HIVEP3: variants seen among roughly 807,000 people sequenced by gnomAD.
The protein encoded by HIVEP3 is HIVEP zinc finger 3.
In HIVEP3, 49 loss-of-function variants were observed where a neutral mutation model predicts 152.8. That is an observed-to-expected ratio of 0.32 (90% CI 0.26 to 0.41). HIVEP3 has a LOEUF of 0.41. Among genes scored for constraint, HIVEP3 ranks in the 10% least tolerant of loss-of-function variants. The pLI, the probability that HIVEP3 is intolerant of heterozygous loss-of-function variation, is 1.00. For missense variants in HIVEP3, 2,790 were observed against 3,103.3 expected (o/e 0.90, Z 2.40); for synonymous variants, 1,269 against 1,289.0 (o/e 0.98, Z 0.33).
chr1:41,768,737 T>G (rs1648165642), intron 1 of HIVEP3, among the ~76,000 whole-genome samples: 1 of 152,234 alleles, frequency 6.6e-6, no homozygotes, highest in African/African-American at 2.4e-5. Flanking sequence ...GAGGAGTTGC[T>G]GCTTCTGGTC....
chr1:41,977,456 A>C (rs949578374), intron 1 of HIVEP3, among the ~76,000 whole-genome samples: 1 of 152,060 alleles, frequency 6.6e-6, no homozygotes, highest in African/African-American at 2.4e-5. Flanking sequence ...CAGCCTCAGG[A>C]GGTCCCACCT....
intron 5 of HIVEP3, among the ~76,000 whole-genome samples, chr1:41,531,752 G>A (rs1396863622): frequency 1.7e-5 from 1 of 59,198 alleles, no homozygotes; most frequent in Non-Finnish European, 3.6e-5. Flanking sequence ...CAGGAGAGAT[G>A]GAGGACAGGG....
At chr1:41,901,038 G>A (rs1193110606) in intron 1 of HIVEP3, among the ~76,000 whole-genome samples, 2 of 152,078 alleles carry the variant, frequency 1.3e-5, no homozygotes, top group African/African-American at 2.4e-5. Flanking sequence ...AGAGGGAGTG[G>A]ACGTCAGGAT....
At chr1:41,561,349 T>C (rs1644059076) in intron 5 of HIVEP3, among the ~76,000 whole-genome samples, 1 of 152,106 alleles carries the variant, frequency 6.6e-6, no homozygotes, top group Admixed American at 6.5e-5. Context: ...AGTCTCCAGC[T>C]CCACGGCTCA....
At chr1:41,806,418 T>C (rs896067091) in intron 1 of HIVEP3, among the ~76,000 whole-genome samples, 1 of 152,212 alleles carries the variant, frequency 6.6e-6, no homozygotes, top group African/African-American at 2.4e-5. Flanking sequence ...GGTTGACAGA[T>C]TGAAGGCCCA....
chr1:41,976,421 G>A (rs553673387), intron 1 of HIVEP3, among the ~76,000 whole-genome samples: 1 of 152,330 alleles, frequency 6.6e-6, no homozygotes, highest in South Asian at 2.1e-4. Flanking sequence ...GTTCTGGACT[G>A]CTTCCCAACT....
intron 1 of HIVEP3, among the ~76,000 whole-genome samples, chr1:41,749,758 CAAAT>C (rs3064236): frequency 0.84 from 127,796 of 151,816 alleles, 57,276 homozygotes; most frequent in Non-Finnish European, 1. Flanking sequence ...ATCTGCAAAA[CAAAT>C]AAGTTGGACT....
chr1:41,700,578 C>T (rs1646346906), intron 2 of HIVEP3, among the ~76,000 whole-genome samples: 1 of 152,160 alleles, frequency 6.6e-6, no homozygotes, highest in South Asian at 2.1e-4. Context: ...GAGTCCCACT[C>T]CCTCACTTTG....
In HIVEP3 at chr1:41,582,912, G is replaced by A; in HGVS notation, c.1886C>T (p.Thr629Ile). 6.2e-7 allele frequency: 1 copy of A among 1,614,048 alleles called. No individual in the cohort carries two copies. The highest frequency in any genetic ancestry group is 8.5e-7 in the Non-Finnish European group (1 of 1,180,016). The change falls in exon 4 of 9, where the codon ACC (threonine) becomes ATC (isoleucine). Residue 629 changes from threonine to isoleucine, a missense_variant. Physicochemically the swap from Thr to Ile is moderately conservative, Grantham distance 89. Transcript: ENST00000372583. This position sits in a 1 kb window ranked among gnomAD's most constrained non-coding sequence, Gnocchi z 4.7. ...TTTCAAACCCTTCTTGGTCTTTTTG[G>A]TAAGCTCGCTTTCCTTGGGTTCCAC... ...DEVEPKESEL[T>I]KKTKKGLKTK...
At chr1:41,599,820 A>T (rs1381687129) in intron 3 of HIVEP3, among the ~76,000 whole-genome samples, 3 of 152,196 alleles carry the variant, frequency 2.0e-5, no homozygotes, top group Admixed American at 1.3e-4. Context: ...CTTGCAAATC[A>T]TATATCTGAT....
intron 5 of HIVEP3, among the ~76,000 whole-genome samples, chr1:41,526,816 C>T (rs1459417510): frequency 1.4e-5 from 2 of 144,586 alleles, no homozygotes; most frequent in African/African-American, 5.2e-5. Flanking sequence ...CACACATACA[C>T]CCCCCCACAC....
chr1:41,934,214 G>A (rs1046642891), intron 1 of HIVEP3, among the ~76,000 whole-genome samples: 1 of 152,114 alleles, frequency 6.6e-6, no homozygotes, highest in African/African-American at 2.4e-5. Context: ...ATGAGTCTAA[G>A]AAAGAAAGTG....
chr1:41,852,326 G>T (rs1053467414), intron 1 of HIVEP3, among the ~76,000 whole-genome samples: 2 of 152,252 alleles, frequency 1.3e-5, no homozygotes, highest in African/African-American at 4.8e-5. Context: ...CCCAGGAGAA[G>T]ACCACTGTGA....
At chr1:41,772,257 T>C (rs1258395903) in intron 1 of HIVEP3, among the ~76,000 whole-genome samples, 1 of 152,192 alleles carries the variant, frequency 6.6e-6, no homozygotes, top group African/African-American at 2.4e-5. Flanking sequence ...ACACCTTCCA[T>C]CTTCTAATCA....
At chr1:41,949,153 CT>C (rs1645091350) in intron 1 of HIVEP3, among the ~76,000 whole-genome samples, 1 of 152,208 alleles carries the variant, frequency 6.6e-6, no homozygotes, top group African/African-American at 2.4e-5. Flanking sequence ...GTTTGAATGG[CT>C]CTTCAGAATC....
chr1:41,698,889 C>G (rs1396475850), intron 2 of HIVEP3, among the ~76,000 whole-genome samples: 2 of 152,196 alleles, frequency 1.3e-5, no homozygotes, highest in Non-Finnish European at 2.9e-5. Flanking sequence ...CTATGTGTCC[C>G]TTCTGGAGAA....
intron 1 of HIVEP3, among the ~76,000 whole-genome samples, chr1:41,930,885 G>A (rs1644992992): frequency 6.6e-6 from 1 of 152,076 alleles, no homozygotes; most frequent in Admixed American, 6.6e-5. Flanking sequence ...ATAATGTTAA[G>A]TGTCTCTTCA....
chr1:41,685,701 GAATA>G (rs1646103901), intron 2 of HIVEP3, among the ~76,000 whole-genome samples: 1 of 152,238 alleles, frequency 6.6e-6, no homozygotes, highest in Non-Finnish European at 1.5e-5. Context: ...GTCAGGGTTT[GAATA>G]AATAAATATA....
chr1:41,970,901 C>G (rs1211316067), intron 1 of HIVEP3, among the ~76,000 whole-genome samples: 1 of 152,118 alleles, frequency 6.6e-6, no homozygotes, highest in Non-Finnish European at 1.5e-5. Flanking sequence ...GATCCTTGCC[C>G]TACAGGTTTC....
Sources: allele counts gnomAD v4.1 joint callset (sites outside exome capture counted in the v4.1 genomes callset), GRCh38; gene constraint gnomAD v4.1.1; non-coding constraint Gnocchi (gnomAD v3.1); transcripts MANE v1.5; gene names NCBI Gene and HGNC (gene_info 2026-07-23, HGNC 2026-07-21).